P3H2: variants seen among roughly 807,000 people sequenced by gnomAD.
The protein encoded by P3H2 is prolyl 3-hydroxylase 2.
Under a neutral mutation model 87.0 loss-of-function variants are expected in P3H2, and 80 were observed. That is an observed-to-expected ratio of 0.92 (90% confidence interval 0.77 to 1.11). The LOEUF is 1.11. P3H2 is among the 50% of genes least tolerant of loss of function. The pLI, the probability that P3H2 is intolerant of heterozygous loss-of-function variation, is 0.00. For synonymous variants in P3H2, 367 were observed against 359.3 expected (o/e 1.02, Z -0.24); for missense variants, 1,001 against 923.9 (o/e 1.08, Z -1.08).
intron 6 of P3H2, among the ~76,000 whole-genome samples, chr3:189,985,140 C>T (rs888653680): frequency 6.6e-6 from 1 of 151,576 alleles, no homozygotes; most frequent in African/African-American, 2.4e-5. Flanking sequence ...CCTATAAAAA[C>T]ACGGCATAAG....
intron 1 of P3H2, among the ~76,000 whole-genome samples, chr3:189,999,199 C>A (rs768088078): frequency 1.3e-5 from 2 of 152,092 alleles, no homozygotes; most frequent in Non-Finnish European, 2.9e-5. Flanking sequence ...TCAATGTCAA[C>A]AAACTGGGTC....
At chr3:190,001,100 A>T (rs1197898851) in intron 1 of P3H2, among the ~76,000 whole-genome samples, 1 of 152,204 alleles carries the variant, frequency 6.6e-6, no homozygotes, top group Admixed American at 6.5e-5. Context: ...TCAATTCAGA[A>T]GGCAAACACG....
At chr3:189,995,242 A>T in intron 2 of P3H2, 48 bp downstream of exon 2, 1 of 1,587,384 alleles carries the variant, frequency 6.3e-7, no homozygotes, top group Non-Finnish European at 8.6e-7. Flanking sequence ...GATGAAACTT[A>T]GGAGCACTTA....
chr3:190,092,636 G>A (rs1163271131), intron 1 of P3H2, among the ~76,000 whole-genome samples: 3 of 152,150 alleles, frequency 2.0e-5, no homozygotes, highest in African/African-American at 4.8e-5. Flanking sequence ...TTATTCTTTC[G>A]GGAAGCTGGG....
At chr3:190,095,303 C>CATATATATATATATAT in intron 1 of P3H2, among the ~76,000 whole-genome samples, 1 of 49,444 alleles carries the variant, frequency 2.0e-5, no homozygotes, top group African/African-American at 9.0e-5. Context: ...TGTCTCAAAA[C>CATATATATATATATAT]ATATATATAT....
At chr3:189,968,254 T>G (rs1465938437) in intron 13 of P3H2, among the ~76,000 whole-genome samples, 1 of 151,902 alleles carries the variant, frequency 6.6e-6, no homozygotes, top group Non-Finnish European at 1.5e-5. Context: ...CCTAATGTTA[T>G]CCCCCTGACA....
At chr3:190,008,274 G>GA (rs1301645730) in intron 1 of P3H2, among the ~76,000 whole-genome samples, 1 of 151,930 alleles carries the variant, frequency 6.6e-6, no homozygotes, top group Non-Finnish European at 1.5e-5. Flanking sequence ...CTTCAGCAGG[G>GA]AAATTAAGAG....
rs537599518 is a variant in P3H2, at chr3:189,977,815, G to T, written c.1325-3130C>A. On this transcript the variant is annotated intron_variant, in intron 8 of 14. Coordinates refer to ENST00000319332, the MANE Select transcript of P3H2 (RefSeq NM_018192.4). ...GTTATTTTTTTATTTTCAGGGTCTT[G>T]CCCAGGCTGGTCTTCAACTCCTGGA... Among the ~76,000 whole-genome samples, 5 of 149,962 alleles carry T rather than the reference G, an allele frequency of 3.3e-5. No homozygotes were observed. The South Asian group carries it at 1.1e-3, about 32-fold the overall frequency.
At chr3:190,010,138 T>C (rs1221539943) in intron 1 of P3H2, among the ~76,000 whole-genome samples, 4 of 152,194 alleles carry the variant, frequency 2.6e-5, no homozygotes, top group African/African-American at 9.6e-5. Context: ...ACAAGAGTAT[T>C]CTACCATTTA....
At chr3:190,019,120 A>G (rs1724856428) in intron 1 of P3H2, among the ~76,000 whole-genome samples, 1 of 152,186 alleles carries the variant, frequency 6.6e-6, no homozygotes, top group African/African-American at 2.4e-5. Flanking sequence ...GGAAGATTCA[A>G]TGCAGTCACT....
At chr3:189,968,178 T>A (rs976335223) in intron 13 of P3H2, among the ~76,000 whole-genome samples, 4 of 152,198 alleles carry the variant, frequency 2.6e-5, no homozygotes, top group Non-Finnish European at 5.9e-5. Flanking sequence ...GTTTGTTACA[T>A]AGGTGTACAT....
At chr3:190,013,278 A>T (rs930414011) in intron 1 of P3H2, among the ~76,000 whole-genome samples, 10 of 152,236 alleles carry the variant, frequency 6.6e-5, no homozygotes, top group African/African-American at 2.4e-4. Context: ...AGGACACCTA[A>T]CTCAATTTAT....
intron 13 of P3H2, among the ~76,000 whole-genome samples, chr3:189,966,087 A>G (rs1394067103): frequency 1.6e-5 from 2 of 125,468 alleles, no homozygotes; most frequent in African/African-American, 8.4e-5. Context: ...AGAAAGGAAG[A>G]AAGAAAGAAA....
chr3:190,072,426 G>C (rs1726732763), intron 1 of P3H2, among the ~76,000 whole-genome samples: 1 of 152,162 alleles, frequency 6.6e-6, no homozygotes, highest in Non-Finnish European at 1.5e-5. Flanking sequence ...CTCGTCCACT[G>C]ATGTTGAATT....
chr3:190,040,565 TTA>T (rs1411881977), intron 1 of P3H2, among the ~76,000 whole-genome samples: 1 of 152,170 alleles, frequency 6.6e-6, no homozygotes, highest in African/African-American at 2.4e-5. Context: ...GGTAATGCTT[TTA>T]TGTTTGCTAT....
chr3:189,958,133 C>A, intron 14 of P3H2, 129 bp from the exon 15 acceptor site: 1 of 729,506 alleles, frequency 1.4e-6, no homozygotes, highest in East Asian at 2.6e-5. Flanking sequence ...AAGCATTGAA[C>A]ACCTCCTCTT....
At chr3:190,032,617 T>C (rs750806952) in intron 1 of P3H2, among the ~76,000 whole-genome samples, 1 of 152,182 alleles carries the variant, frequency 6.6e-6, no homozygotes, top group East Asian at 1.9e-4. Flanking sequence ...TATGGGTACA[T>C]TTAGAGCTTT....
chr3:189,987,403 C>G, intron 5 of P3H2, 124 bp downstream of exon 5: 1 of 1,090,066 alleles, frequency 9.2e-7, no homozygotes. Context: ...CGCTTGAACC[C>G]GGGAGGCGGA....
At chr3:190,027,624 CTTT>C (rs539796963) in intron 1 of P3H2, among the ~76,000 whole-genome samples, 12 of 136,752 alleles carry the variant, frequency 8.8e-5, no homozygotes, top group South Asian at 2.4e-4. Context: ...CGGTTTTTAC[CTTT>C]TTTTTTTTTT....
Sources: allele counts gnomAD v4.1 joint callset (sites outside exome capture counted in the v4.1 genomes callset), GRCh38; gene constraint gnomAD v4.1.1; transcripts MANE v1.5; gene names NCBI Gene and HGNC (gene_info 2026-07-23, HGNC 2026-07-21).